Variants in FTO observed in about 807,000 individuals in gnomAD.
The protein encoded by FTO is FTO alpha-ketoglutarate dependent dioxygenase, also known as alpha-ketoglutarate-dependent dioxygenase FTO.
FTO carries 47 observed loss-of-function variants against 63.9 expected under a neutral mutation model. The observed-to-expected ratio is 0.74, with a 90% confidence interval of 0.58 to 0.94. FTO has a LOEUF of 0.94. FTO is among the 40% of genes least tolerant of loss of function. FTO has a pLI of 0.00. For missense variants in FTO, 562 were observed against 618.1 expected (o/e 0.91, Z 0.96); for synonymous variants, 207 against 224.4 (o/e 0.92, Z 0.69).
chr16:53,766,676 C>T (rs968594141), intron 1 of FTO, among the ~76,000 whole-genome samples: 1 of 152,076 alleles, frequency 6.6e-6, no homozygotes, highest in African/African-American at 2.4e-5. Flanking sequence ...AGAGGGAATC[C>T]GAAGGTCAGG....
intron 7 of FTO, among the ~76,000 whole-genome samples, chr16:53,890,277 G>A (rs1220604641): frequency 6.6e-6 from 1 of 152,122 alleles, no homozygotes; most frequent in Non-Finnish European, 1.5e-5. Flanking sequence ...GGGTATGATT[G>A]CCCTACAAAA....
At chr16:53,731,563 A>G (rs2076269394) in intron 1 of FTO, among the ~76,000 whole-genome samples, 1 of 151,858 alleles carries the variant, frequency 6.6e-6, no homozygotes, top group Non-Finnish European at 1.5e-5. Context: ...TTAAAATTTA[A>G]TTTAATTTAA....
chr16:53,928,684 G>A (rs1221192535), intron 7 of FTO, among the ~76,000 whole-genome samples: 2 of 152,086 alleles, frequency 1.3e-5, no homozygotes, highest in African/African-American at 4.8e-5. Flanking sequence ...TTATTTGCTA[G>A]ATGTGTTTAC....
intron 1 of FTO, among the ~76,000 whole-genome samples, chr16:53,709,835 C>A (rs184052696): frequency 2.0e-4 from 31 of 152,134 alleles, no homozygotes; most frequent in African/African-American, 7.0e-4. Flanking sequence ...CCTCTTTACC[C>A]CTAAATAGTT....
At chr16:53,882,136 A>G (rs1157988216) in intron 6 of FTO, among the ~76,000 whole-genome samples, 1 of 152,254 alleles carries the variant, frequency 6.6e-6, no homozygotes, top group East Asian at 1.9e-4. Context: ...TCATTCACCA[A>G]TCTGAGACTT....
At chr16:54,076,497 A>G (rs937882698) in intron 8 of FTO, among the ~76,000 whole-genome samples, 4 of 152,196 alleles carry the variant, frequency 2.6e-5, no homozygotes, top group East Asian at 1.9e-4. Flanking sequence ...CTTTAAACAC[A>G]CTGATCTATA....
In FTO at chr16:53,879,960, G is replaced by C. The variant is rs2080776733; in HGVS notation, c.1092G>C (p.Leu364Phe). Reference sequence around the variant, plus strand: ...TGAAATCCTTTGAGCCTGCAGTTTTGAAACAAGGAGAAGAAATTCATAATG... The same window carrying C: ...TGAAATCCTTTGAGCCTGCAGTTTTCAAACAAGGAGAAGAAATTCATAATG... ...VSLKSFEPAVLKQGEEIHNEV... is the reference protein window; with the variant it reads ...VSLKSFEPAVFKQGEEIHNEV... The change falls in exon 6 of 9, where the codon TTG becomes TTC. Residue 364 changes from leucine (L) to phenylalanine (F), a missense_variant. Transcript: ENST00000471389. 1 of 1,613,250 alleles carries C rather than the reference G, an allele frequency of 6.2e-7. No homozygotes were observed. The highest frequency in any genetic ancestry group is 1.1e-5 in the South Asian group (1 of 91,052).
At chr16:54,056,894 C>T (rs1416640164) in intron 8 of FTO, among the ~76,000 whole-genome samples, 2 of 152,226 alleles carry the variant, frequency 1.3e-5, no homozygotes, top group African/African-American at 4.8e-5. Context: ...AATGAATATA[C>T]TGGCCAATTA....
chr16:53,762,808 T>C (rs2077101002), intron 1 of FTO, among the ~76,000 whole-genome samples: 2 of 152,068 alleles, frequency 1.3e-5, no homozygotes, highest in African/African-American at 4.8e-5. Context: ...TTACTAAGAG[T>C]CAAGTTTTAA....
At chr16:53,969,196 T>C (rs553946755) in intron 8 of FTO, among the ~76,000 whole-genome samples, 55 of 150,426 alleles carry the variant, frequency 3.7e-4, no homozygotes, top group African/African-American at 1.4e-3. Flanking sequence ...TTGCCATCTG[T>C]CCTTTATATT....
chr16:53,768,343 G>C (rs779702261), intron 1 of FTO, among the ~76,000 whole-genome samples: 1 of 152,186 alleles, frequency 6.6e-6, no homozygotes, highest in Non-Finnish European at 1.5e-5. Context: ...GCAGTTAAAA[G>C]AGATAATAAA....
Position 53,734,550 on chromosome 16 carries a change from T to C in FTO, c.45+30321T>C, listed in dbSNP as rs557303830. ...GTGCCTTTTTGCTCAATATATAAGTTTGAAAAATGTTGGCTGCAAGTAACA... is the reference window on the plus strand; with the variant it reads ...GTGCCTTTTTGCTCAATATATAAGTCTGAAAAATGTTGGCTGCAAGTAACA... On this transcript the variant is annotated intron_variant, in intron 1 of 8. Transcript: ENST00000471389. Among the ~76,000 whole-genome samples, 70 of 152,362 alleles carry C rather than the reference T, an allele frequency of 4.6e-4. No individual in the cohort carries two copies. In the South Asian group the frequency reaches 0.014, roughly 30 times the overall value.
chr16:54,054,164 G>T (rs140266991), intron 8 of FTO, among the ~76,000 whole-genome samples: 2 of 152,256 alleles, frequency 1.3e-5, no homozygotes, highest in African/African-American at 4.8e-5. Flanking sequence ...GAATTCCTTA[G>T]CGGCAACTCT....
At chr16:54,074,783 C>G (rs7191332) in intron 8 of FTO, among the ~76,000 whole-genome samples, 4,667 of 152,206 alleles carry the variant, frequency 0.031, 217 homozygotes, top group African/African-American at 0.11. Context: ...TTTTAAGGCT[C>G]TACCACATAC....
chr16:53,972,948 A>T (rs537547797), intron 8 of FTO, among the ~76,000 whole-genome samples: 1 of 152,338 alleles, frequency 6.6e-6, no homozygotes, highest in South Asian at 2.1e-4. Context: ...TTTTCTAAAA[A>T]AGGAACATGC....
intron 1 of FTO, among the ~76,000 whole-genome samples, chr16:53,774,142 G>T (rs1350990244): frequency 2.0e-5 from 3 of 152,096 alleles, no homozygotes; most frequent in African/African-American, 7.2e-5. Flanking sequence ...GATAAAATAG[G>T]TTTAAAGCAG....
At chr16:53,990,183 T>C (rs1232581252) in intron 8 of FTO, among the ~76,000 whole-genome samples, 1 of 152,166 alleles carries the variant, frequency 6.6e-6, no homozygotes, top group East Asian at 1.9e-4. Flanking sequence ...AGGTCACGTA[T>C]AGTGACCTCA....
At chr16:53,962,538 GT>G (rs1256766423) in intron 8 of FTO, among the ~76,000 whole-genome samples, 1 of 152,168 alleles carries the variant, frequency 6.6e-6, no homozygotes, top group East Asian at 1.9e-4. Context: ...GAGACATGGG[GT>G]TTTGTTATTA....
At chr16:54,029,439 T>A (rs1181395008) in intron 8 of FTO, among the ~76,000 whole-genome samples, 1 of 152,174 alleles carries the variant, frequency 6.6e-6, no homozygotes, top group Non-Finnish European at 1.5e-5. Flanking sequence ...GCTTCCTTAC[T>A]TTGCCCTAGC....
Sources: allele counts gnomAD v4.1 joint callset (sites outside exome capture counted in the v4.1 genomes callset), GRCh38; gene constraint gnomAD v4.1.1; transcripts MANE v1.5; gene names NCBI Gene and HGNC (gene_info 2026-07-23, HGNC 2026-07-21).